The following PDE4B variants were observed in gnomAD, a reference collection of about 807,000 sequenced individuals.
PDE4B encodes the protein phosphodiesterase 4B.
A neutral mutation model predicts 82.2 loss-of-function variants in PDE4B; 20 were observed. The ratio of observed to expected loss-of-function variants is 0.24; its 90% CI spans 0.17 to 0.35. The LOEUF is 0.35. Among genes scored for constraint, PDE4B ranks in the 10% least tolerant of loss-of-function variants. The pLI is 1.00. For synonymous variants in PDE4B, 320 were observed against 318.9 expected (o/e 1.00, Z -0.04); for missense variants, 655 against 907.2 (o/e 0.72, Z 3.57).
intron 7 of PDE4B, among the ~76,000 whole-genome samples, chr1:66,316,283 T>A (rs1034597397): frequency 4.6e-5 from 7 of 152,246 alleles, no homozygotes; most frequent in Non-Finnish European, 1.0e-4. Flanking sequence ...CTATTTCAAA[T>A]AATACAAATT....
At chr1:66,306,882 T>C (rs1011354856) in intron 7 of PDE4B, among the ~76,000 whole-genome samples, 3 of 152,214 alleles carry the variant, frequency 2.0e-5, no homozygotes, top group African/African-American at 7.2e-5. Flanking sequence ...TGTGTGGTGC[T>C]GTGCAGTGAT....
intron 7 of PDE4B, among the ~76,000 whole-genome samples, chr1:66,323,752 A>G (rs1282637016): frequency 6.6e-6 from 1 of 152,200 alleles, no homozygotes; most frequent in Non-Finnish European, 1.5e-5. Flanking sequence ...GAGAAGTAAC[A>G]TCTTATGTAA....
chr1:66,193,950 CTTT>C (rs11423626), intron 3 of PDE4B, among the ~76,000 whole-genome samples: 1 of 141,866 alleles, frequency 7.0e-6, no homozygotes, highest in Non-Finnish European at 1.5e-5. Context: ...GATTTGAAAT[CTTT>C]TTTTTTTTTT....
intron 4 of PDE4B, among the ~76,000 whole-genome samples, chr1:66,247,888 C>T (rs925859534): frequency 1.3e-5 from 2 of 152,216 alleles, no homozygotes; most frequent in Non-Finnish European, 2.9e-5. Context: ...GTTTACTTTA[C>T]ATCTTTTACT....
At chr1:65,984,918 ACT>A (rs57323522) in intron 3 of PDE4B, among the ~76,000 whole-genome samples, 36,633 of 152,044 alleles carry the variant, frequency 0.24, 5,230 homozygotes, top group East Asian at 0.45. Flanking sequence ...AATTTGATTA[ACT>A]CTAAATTTAA....
At chr1:65,894,956 G>C (rs1292517653) in intron 1 of PDE4B, among the ~76,000 whole-genome samples, 1 of 152,174 alleles carries the variant, frequency 6.6e-6, no homozygotes, top group East Asian at 1.9e-4. Flanking sequence ...GTTTAGCCAT[G>C]TTGATAATTA....
intron 3 of PDE4B, among the ~76,000 whole-genome samples, chr1:66,200,680 T>A (rs1160916898): frequency 6.6e-6 from 1 of 152,188 alleles, no homozygotes; most frequent in Non-Finnish European, 1.5e-5. Context: ...TGCTTGTGAT[T>A]TTTGTACACT....
At chr1:66,040,805 TTATAG>T (rs762893457) in intron 3 of PDE4B, among the ~76,000 whole-genome samples, 3 of 151,874 alleles carry the variant, frequency 2.0e-5, no homozygotes, top group East Asian at 1.9e-4. Flanking sequence ...ACTTCAAGTG[TTATAG>T]TATAGAGGCC....
chr1:66,331,417 G>C (rs911839333), intron 7 of PDE4B, among the ~76,000 whole-genome samples: 2 of 152,160 alleles, frequency 1.3e-5, no homozygotes, highest in African/African-American at 4.8e-5. Context: ...CATTTATAAA[G>C]TTATTTCAGT....
chr1:65,995,404 C>A (rs1651485478), intron 3 of PDE4B, among the ~76,000 whole-genome samples: 1 of 152,044 alleles, frequency 6.6e-6, no homozygotes, highest in South Asian at 2.1e-4. Context: ...TTTTTCAAAT[C>A]TTAAAAATTT....
intron 1 of PDE4B, among the ~76,000 whole-genome samples, chr1:65,806,681 C>G (rs1645758553): frequency 6.6e-6 from 1 of 152,130 alleles, no homozygotes; most frequent in Non-Finnish European, 1.5e-5. Flanking sequence ...CTTGTGATTC[C>G]TGCTTTGGGG....
At chr1:65,881,138 G>A (rs1646703495) in intron 1 of PDE4B, among the ~76,000 whole-genome samples, 1 of 152,112 alleles carries the variant, frequency 6.6e-6, no homozygotes, top group Non-Finnish European at 1.5e-5. Flanking sequence ...CCTTCATTCA[G>A]TGCTCTTAAA....
intron 3 of PDE4B, among the ~76,000 whole-genome samples, chr1:65,922,551 C>G (rs947127178): frequency 2.0e-5 from 3 of 152,128 alleles, no homozygotes; most frequent in Admixed American, 2.0e-4. Context: ...ATATTGAAAC[C>G]TATAATTGCA....
rs756465844 is a variant in PDE4B at position 66,332,466 on chromosome 1, A to G, written c.635-42A>G. 7.4e-6 allele frequency: 12 copies of G among 1,614,198 alleles called. No individual in the cohort carries two copies. The East Asian group carries it at 2.7e-4, about 36-fold the overall frequency. On this transcript the variant is annotated intron_variant, in intron 7 of 16. Coordinates refer to ENST00000341517, the MANE Select transcript of PDE4B (RefSeq NM_002600.4). ...GGTGACTCTGCTATGGACAGCCTGC[A>G]GCCGCTCCAGCCTAACTACATGCCT...
intron 1 of PDE4B, among the ~76,000 whole-genome samples, chr1:65,821,098 G>T (rs1645946772): frequency 6.6e-6 from 1 of 152,202 alleles, no homozygotes; most frequent in Non-Finnish European, 1.5e-5. Flanking sequence ...ACTGAGGAGA[G>T]ATGAGTACAT....
chr1:65,802,443 G>A (rs999236567), intron 1 of PDE4B, among the ~76,000 whole-genome samples: 1 of 152,180 alleles, frequency 6.6e-6, no homozygotes, highest in African/African-American at 2.4e-5. Flanking sequence ...TTCCTGGGAA[G>A]TTGCATCTGG....
intron 3 of PDE4B, among the ~76,000 whole-genome samples, chr1:66,164,710 G>A (rs888091890): frequency 2.0e-5 from 3 of 149,970 alleles, no homozygotes; most frequent in Admixed American, 6.6e-5. Context: ...CTTTGAGCAC[G>A]CTCTGTCTCT....
chr1:66,317,772 C>G (rs932916622), intron 7 of PDE4B, among the ~76,000 whole-genome samples: 2 of 152,100 alleles, frequency 1.3e-5, no homozygotes, highest in African/African-American at 4.8e-5. Context: ...GCGGTAAGCA[C>G]CTGTAGTCCC....
At chr1:66,283,780 CT>C (rs1368254543) in intron 7 of PDE4B, among the ~76,000 whole-genome samples, 7 of 152,110 alleles carry the variant, frequency 4.6e-5, no homozygotes, top group Non-Finnish European at 1.0e-4. Context: ...AGATTCTTCT[CT>C]TTCTTAAATG....
Sources: allele counts gnomAD v4.1 joint callset (sites outside exome capture counted in the v4.1 genomes callset), GRCh38; gene constraint gnomAD v4.1.1; transcripts MANE v1.5; gene names NCBI Gene and HGNC (gene_info 2026-07-23, HGNC 2026-07-21).